Variants in SPOCK1 observed in about 807,000 individuals in gnomAD.
SPOCK1 encodes the protein SPARC (osteonectin), cwcv and kazal like domains proteoglycan 1.
A neutral mutation model predicts 55.3 loss-of-function variants in SPOCK1; 23 were observed. That is an observed-to-expected ratio of 0.42 (90% CI 0.30 to 0.59). The LOEUF is 0.59. Among genes scored for constraint, SPOCK1 ranks in the 20% least tolerant of loss-of-function variants. The pLI is 0.22. For synonymous variants in SPOCK1, 226 were observed against 221.0 expected, an observed-to-expected ratio of 1.02 and a Z score of -0.20; for missense variants, 499 against 552.5, an observed-to-expected ratio of 0.90 and a Z score of 0.97.
At chr5:137,356,797 TAA>T (rs1491292987) in intron 2 of SPOCK1, among the ~76,000 whole-genome samples, 3,569 of 23,822 alleles carry the variant, frequency 0.15, 138 homozygotes, top group Non-Finnish European at 0.2. Context: ...TCAAAAAAAA[TAA>T]TATATATATA....
chr5:137,178,296 A>T (rs1278475502), intron 3 of SPOCK1, among the ~76,000 whole-genome samples: 2 of 152,226 alleles, frequency 1.3e-5, no homozygotes, highest in Non-Finnish European at 1.5e-5. Context: ...CACATGGTAA[A>T]CACATACTTT....
At chr5:137,032,844 T>C (rs976318402) in intron 6 of SPOCK1, among the ~76,000 whole-genome samples, 4 of 152,032 alleles carry the variant, frequency 2.6e-5, no homozygotes, top group Admixed American at 2.6e-4. Context: ...GAGACCCTAA[T>C]GGACTTGAAG....
intron 7 of SPOCK1, among the ~76,000 whole-genome samples, chr5:136,989,061 T>G (rs1210498942): frequency 6.6e-6 from 1 of 152,212 alleles, no homozygotes; most frequent in Admixed American, 6.5e-5. Context: ...TTTAAAAGGA[T>G]AGCAGTGAAA....
intron 2 of SPOCK1, among the ~76,000 whole-genome samples, chr5:137,328,712 C>G (rs114450965): frequency 6.6e-6 from 1 of 152,114 alleles, no homozygotes; most frequent in East Asian, 1.9e-4. Flanking sequence ...CACTTTCCTG[C>G]TGAGATAGCT....
intron 4 of SPOCK1, among the ~76,000 whole-genome samples, chr5:137,126,364 A>G (rs1347498311): frequency 6.6e-6 from 1 of 152,048 alleles, no homozygotes; most frequent in African/African-American, 2.4e-5. Flanking sequence ...TCTTTTCTTT[A>G]TAAATTACCC....
chr5:137,419,356 A>C (rs1752431281), intron 2 of SPOCK1, among the ~76,000 whole-genome samples: 1 of 152,164 alleles, frequency 6.6e-6, no homozygotes, highest in Non-Finnish European at 1.5e-5. Context: ...TGGTAGCTTG[A>C]TGGGGATGGC....
intron 5 of SPOCK1, among the ~76,000 whole-genome samples, chr5:137,093,574 AG>A (rs1400286875): frequency 6.6e-6 from 1 of 152,196 alleles, no homozygotes; most frequent in Non-Finnish European, 1.5e-5. Context: ...GTATGAAGAA[AG>A]CAGAGCAATA....
At chr5:137,043,140 G>GTCAAA (rs1752033394) in intron 6 of SPOCK1, among the ~76,000 whole-genome samples, 1 of 152,144 alleles carries the variant, frequency 6.6e-6, no homozygotes, top group South Asian at 2.1e-4. Context: ...ACCACAGTGG[G>GTCAAA]GGTATGTCAA....
chr5:136,991,529 C>T (rs1488149822), intron 7 of SPOCK1, among the ~76,000 whole-genome samples: 1 of 152,164 alleles, frequency 6.6e-6, no homozygotes, highest in East Asian at 1.9e-4. Context: ...TAACTTCTTA[C>T]CTACTGCATT....
chr5:137,234,569 T>A (rs1756138636), intron 3 of SPOCK1, among the ~76,000 whole-genome samples: 1 of 152,214 alleles, frequency 6.6e-6, no homozygotes, highest in Non-Finnish European at 1.5e-5. Context: ...ATAAATCATA[T>A]CATATCCCAT....
Position 136,986,282 on chromosome 5 carries a change from C to T in SPOCK1, c.929-1080G>A, listed in dbSNP as rs192239689. ...AAGGGCAGTCTATCCAGAGATGTCC[C>T]ATGTGGCCAGGTGACCAGCTCTGGC... On this transcript the variant is annotated intron_variant, in intron 8 of 10. Coordinates refer to ENST00000394945, the MANE Select transcript of SPOCK1 (RefSeq NM_004598.4). 2.1e-3 allele frequency among the ~76,000 whole-genome samples: 317 copies of T among 152,232 alleles called. 1 individual carries two copies. Among genetic ancestry groups the T allele is most frequent in the Non-Finnish European group, 3.5e-3 (241 of 68,008 alleles).
At chr5:137,342,650 T>C in intron 2 of SPOCK1, among the ~76,000 whole-genome samples, 1 of 152,176 alleles carries the variant, frequency 6.6e-6, no homozygotes, top group East Asian at 1.9e-4. Context: ...CACAGGTTAT[T>C]TAAAATAAAG....
chr5:137,281,498 C>T (rs567954222), intron 2 of SPOCK1, among the ~76,000 whole-genome samples: 66 of 152,330 alleles, frequency 4.3e-4, no homozygotes, highest in African/African-American at 1.5e-3. Context: ...TTTGTCCTGG[C>T]ATTTCTGTAC....
At chr5:137,354,808 G>A (rs1750756071) in intron 2 of SPOCK1, among the ~76,000 whole-genome samples, 1 of 152,152 alleles carries the variant, frequency 6.6e-6, no homozygotes, top group African/African-American at 2.4e-5. Flanking sequence ...GCCCGTAGGA[G>A]GTATTGAGTG....
intron 3 of SPOCK1, among the ~76,000 whole-genome samples, chr5:137,220,079 T>C (rs59907190): frequency 0.02 from 3,006 of 152,162 alleles, 97 homozygotes; most frequent in African/African-American, 0.069. Flanking sequence ...TGGGGGTCAG[T>C]TGCATCTCCT....
In SPOCK1 at chr5:137,084,308, A is replaced by T. The variant is rs546010483; in HGVS notation, c.475-16479T>A. ...CTTCTGCTTGCTAAGGGTATCCCTG[A>T]GCAGCAGGACACACCTCAGAAGCTG... On this transcript the variant is annotated intron_variant, in intron 5 of 10. Transcript: ENST00000394945. Among the ~76,000 whole-genome samples the T allele has an allele frequency of 3.9e-5, 6 of 152,044 alleles. No homozygotes were observed. In the East Asian group the frequency reaches 1.2e-3, roughly 30 times the overall value.
chr5:137,424,338 G>A lies in SPOCK1; in HGVS notation c.186+74035C>T, dbSNP rs117090134. 8.5e-5 allele frequency among the ~76,000 whole-genome samples: 13 copies of A among 152,314 alleles called. No individual in the cohort carries two copies. The East Asian group carries it at 2.3e-3, about 27-fold the overall frequency. ...TGAGGCTGCAGCAAGTTATGATCAT[G>A]CCACTGCACTCCAGCCTGGGTGACA... On this transcript the variant is annotated intron_variant, in intron 2 of 10. Coordinates refer to ENST00000394945, the MANE Select transcript of SPOCK1 (RefSeq NM_004598.4).
intron 4 of SPOCK1, among the ~76,000 whole-genome samples, chr5:137,130,791 G>A (rs2905978): frequency 0.2 from 29,873 of 152,126 alleles, 3,126 homozygotes; most frequent in Middle Eastern, 0.29. Context: ...AGGCTGAGAG[G>A]AGAACTTCTC....
chr5:137,169,848 T>C (rs1354447378), intron 3 of SPOCK1, among the ~76,000 whole-genome samples: 1 of 152,214 alleles, frequency 6.6e-6, no homozygotes. Flanking sequence ...GATTCAAAGC[T>C]ACAATTCTGA....
Sources: allele counts gnomAD v4.1 joint callset (sites outside exome capture counted in the v4.1 genomes callset), GRCh38; gene constraint gnomAD v4.1.1; transcripts MANE v1.5; gene names NCBI Gene and HGNC (gene_info 2026-07-23, HGNC 2026-07-21).